Variants in DUSP5 observed in about 807,000 individuals in gnomAD.
DUSP5 encodes the protein dual specificity phosphatase 5.
In DUSP5, 22 loss-of-function variants were observed where a neutral mutation model predicts 33.6. That is an observed-to-expected ratio of 0.66 (90% CI 0.47 to 0.94). DUSP5 has a LOEUF of 0.94. Ranked by LOEUF, DUSP5 falls within the 40% of genes least tolerant of loss-of-function variation. The probability of loss-of-function intolerance (pLI) is 0.00; values close to 1 mark genes in which losing one functional copy is unlikely to be tolerated. For synonymous variants in DUSP5, 270 were observed against 231.1 expected, an observed-to-expected ratio of 1.17 and a Z score of -1.53; for missense variants, 551 against 522.1, an observed-to-expected ratio of 1.06 and a Z score of -0.54.
chr10:110,501,742 G>C (rs1323686500), intron 1 of DUSP5, among the ~76,000 whole-genome samples: 2 of 152,188 alleles, frequency 1.3e-5, no homozygotes, highest in Non-Finnish European at 2.9e-5. Flanking sequence ...TCCCAAGCAA[G>C]GCTGGCCTGT....
rs763888167 is a variant in DUSP5, at chr10:110,498,250, C to T, written c.129C>T (p.Leu43=). The T allele has an allele frequency of 2.0e-6, 3 of 1,503,266 alleles. No homozygotes were observed. The highest frequency in any genetic ancestry group is 3.8e-5 in the Admixed American group (2 of 52,218). 93.1% of individuals were successfully genotyped at this position (1,503,266 alleles called of 1,614,324 possible). A position where few individuals can be genotyped will look rare whatever the true frequency, so the allele number is the denominator to read the frequency against. Residue 43 remains leucine (L), a synonymous_variant, in exon 1 of 4, where the codon CTC becomes CTT. Coordinates refer to ENST00000369583, the MANE Select transcript of DUSP5 (RefSeq NM_004419.4). The stretch of plus-strand genomic sequence containing the variant: ...CTGCCTCGAACGTGCGCGGCTCGCT[C>T]AACGTCAACCTCAACTCGGTGGTGC... ...AFAASNVRGS[L]NVNLNSVVLR...
intron 1 of DUSP5, among the ~76,000 whole-genome samples, chr10:110,500,954 G>A (rs112629086): frequency 0.011 from 1,677 of 152,296 alleles, 39 homozygotes; most frequent in African/African-American, 0.038. Flanking sequence ...CCTCCTGATA[G>A]CCAACTCTGA....
chr10:110,509,434 G>A (rs533405549), intron 3 of DUSP5, among the ~76,000 whole-genome samples: 32 of 152,322 alleles, frequency 2.1e-4, no homozygotes, highest in Admixed American at 3.9e-4. Flanking sequence ...CCTGGGAGCT[G>A]AGCCAAGCAT....
At chr10:110,506,811 C>A in intron 2 of DUSP5, 124 bp from the exon 3 acceptor site, 1 of 1,061,518 alleles carries the variant, frequency 9.4e-7, no homozygotes, top group Non-Finnish European at 1.4e-6. Flanking sequence ...GCTCTGAACT[C>A]CACTTGGAAA....
intron 3 of DUSP5, among the ~76,000 whole-genome samples, chr10:110,508,450 A>G (rs1311441416): frequency 6.6e-6 from 1 of 152,114 alleles, no homozygotes; most frequent in Non-Finnish European, 1.5e-5. Flanking sequence ...TGTACGCACA[A>G]TCCACAAACC....
In DUSP5 at chr10:110,498,075, C is replaced by T. The variant is rs1160144242; in HGVS notation, c.-47C>T. On this transcript the variant is annotated 5_prime_UTR_variant, in exon 1 of 4. Transcript: ENST00000369583. ...GCCGTGGACACCCTGGCCGTGGGCACCCGCGGGGCGCGCGGCGCGGGGCCG... is the reference window on the plus strand; with the variant it reads ...GCCGTGGACACCCTGGCCGTGGGCATCCGCGGGGCGCGCGGCGCGGGGCCG... 1.4e-5 allele frequency: 16 copies of T among 1,149,372 alleles called. No individual in the cohort carries two copies. The highest frequency in any genetic ancestry group is 4.8e-5 in the East Asian group (1 of 20,648). The allele number at this position is 1,149,372 out of a possible 1,614,324, so 71.2% of individuals were successfully genotyped here. A position where few individuals can be genotyped will look rare whatever the true frequency, so the allele number is the denominator to read the frequency against.
Position 110,504,613 on chromosome 10 carries a change from C to CT in DUSP5, c.528+1745dup, listed in dbSNP as rs1216571532. Among the ~76,000 whole-genome samples the CT allele has an allele frequency of 2.6e-5, 4 of 152,322 alleles. 1 individual carries two copies. The highest frequency in any genetic ancestry group is 6.8e-3 in the Middle Eastern group (2 of 294). ...GCCACGTGAATCTGGACTTGGAACTCTGACTCCTTTCCAAAGAACTTTGTA... is the reference window on the plus strand; with the variant it reads ...GCCACGTGAATCTGGACTTGGAACTCTTGACTCCTTTCCAAAGAACTTTGTA... On this transcript the variant is annotated intron_variant, in intron 2 of 3. Transcript: ENST00000369583.
intron 1 of DUSP5, among the ~76,000 whole-genome samples, chr10:110,500,380 A>C (rs946658806): frequency 5.3e-5 from 8 of 152,222 alleles, no homozygotes; most frequent in Non-Finnish European, 8.8e-5. Flanking sequence ...GAGAATTGCC[A>C]GGTCAAGAAT....
At chr10:110,501,980 G>C (rs1860057106) in intron 1 of DUSP5, among the ~76,000 whole-genome samples, 1 of 151,096 alleles carries the variant, frequency 6.6e-6, no homozygotes, top group African/African-American at 2.4e-5. Context: ...GGGGGGTGCA[G>C]GAGGAGTAGG....
chr10:110,507,473 G>A (rs936476860), intron 3 of DUSP5, among the ~76,000 whole-genome samples: 7 of 152,220 alleles, frequency 4.6e-5, no homozygotes, highest in Non-Finnish European at 8.8e-5. Context: ...CACAAGGAAA[G>A]CAGGGGGAAG....
At chr10:110,505,440 A>G (rs370932390) in intron 2 of DUSP5, among the ~76,000 whole-genome samples, 1 of 152,246 alleles carries the variant, frequency 6.6e-6, no homozygotes, top group African/African-American at 2.4e-5. Flanking sequence ...TTATTACCGT[A>G]TGTAAAATCT....
At chr10:110,502,342 A>G (rs1860063502) in intron 1 of DUSP5, among the ~76,000 whole-genome samples, 1 of 152,222 alleles carries the variant, frequency 6.6e-6, no homozygotes, top group Non-Finnish European at 1.5e-5. Flanking sequence ...CTTCTCGCCA[A>G]TTAATGAAAT....
rs752869412 is a variant in DUSP5 at position 110,510,367 on chromosome 10, A to C, written c.1096A>C (p.Thr366Pro). 6.2e-7 allele frequency: 1 copy of C among 1,612,744 alleles called. No homozygotes were observed. The highest frequency in any genetic ancestry group is 1.7e-5 in the Admixed American group (1 of 59,880). ...TGCCTCGGTGCTGGCACCGGTGCCT[A>C]CCCACTCAACAGTCTCAGAGCTCAG... ...FPASVLAPVP[T>P]HSTVSELSRS... The change falls in exon 4 of 4, where the codon ACC becomes CCC. Residue 366 changes from threonine to proline, a missense_variant. By Grantham distance (38) the Thr-to-Pro change is conservative. Transcript: ENST00000369583.
intron 2 of DUSP5, among the ~76,000 whole-genome samples, chr10:110,504,275 C>A (rs1860092724): frequency 6.6e-6 from 1 of 152,206 alleles, no homozygotes; most frequent in African/African-American, 2.4e-5. Flanking sequence ...ATCTGGGGAA[C>A]CCCCTAATGC....
At position 110,498,414 on chromosome 10, in the gene DUSP5, A is replaced by G. The variant is rs560255020; in HGVS notation, c.293A>G (p.Lys98Arg). The G allele has an allele frequency of 1.8e-5, 28 of 1,524,942 alleles. No individual in the cohort carries two copies. The South Asian group carries it at 3.1e-4, about 17-fold the overall frequency. 94.5% of individuals were successfully genotyped at this position (1,524,942 alleles called of 1,614,324 possible). A position where few individuals can be genotyped will look rare whatever the true frequency, so the allele number is the denominator to read the frequency against. Residue 98 changes from lysine (K) to arginine (R), a missense_variant, in exon 1 of 4, where the codon AAG becomes AGG. Coordinates refer to ENST00000369583, the MANE Select transcript of DUSP5 (RefSeq NM_004419.4). ...VLDQGSRHWQKLREESAARVV... is the reference protein window; with the variant it reads ...VLDQGSRHWQRLREESAARVV... ...GACCAGGGCAGCCGCCACTGGCAGAAGCTGCGAGAGGAGAGCGCCGCGCGT... is the reference window on the plus strand; with the variant it reads ...GACCAGGGCAGCCGCCACTGGCAGAGGCTGCGAGAGGAGAGCGCCGCGCGT...
intron 2 of DUSP5, 32 bp from the exon 3 acceptor site, chr10:110,506,903 A>G (rs772286683): frequency 6.2e-7 from 1 of 1,605,018 alleles, no homozygotes; most frequent in Non-Finnish European, 8.5e-7. Flanking sequence ...CTAATCCAAT[A>G]TTTCCTGATT....
intron 2 of DUSP5, among the ~76,000 whole-genome samples, chr10:110,504,069 A>T (rs1385438791): frequency 6.6e-6 from 1 of 152,236 alleles, no homozygotes; most frequent in Admixed American, 6.5e-5. Flanking sequence ...CTTACAGTAT[A>T]TGACGAGCCT....
At chr10:110,507,565 C>T (rs1424307474) in intron 3 of DUSP5, among the ~76,000 whole-genome samples, 2 of 152,202 alleles carry the variant, frequency 1.3e-5, no homozygotes, top group Non-Finnish European at 2.9e-5. Flanking sequence ...TACTTACGCA[C>T]TGAGCCCCAA....
At chr10:110,498,660 C>G (rs1391518422) in intron 1 of DUSP5, among the ~76,000 whole-genome samples, 160 bp downstream of exon 1, 1 of 152,208 alleles carries the variant, frequency 6.6e-6, no homozygotes, top group African/African-American at 2.4e-5. Flanking sequence ...CTGCAAATGT[C>G]AGCACTCAGA....
Sources: gnomAD v4.1 joint callset for allele counts (sites outside exome capture counted in the v4.1 genomes callset) on GRCh38, gnomAD v4.1.1 for gene constraint, MANE v1.5 for transcripts, NCBI Gene and HGNC (gene_info 2026-07-23, HGNC 2026-07-21) for gene names.